Variants in ADPRS observed in about 807,000 individuals in gnomAD.
ADPRS encodes the protein ADP-ribosylhydrolase ARH3.
Under a neutral mutation model 32.1 loss-of-function variants are expected in ADPRS, and 25 were observed. The observed-to-expected ratio is 0.78, with a 90% CI of 0.57 to 1.09. The LOEUF (loss-of-function observed/expected upper bound fraction) is 1.09, where lower values mean the gene tolerates loss of function less well. ADPRS is among the 50% of genes least tolerant of loss of function. The pLI is 0.00. For synonymous variants in ADPRS, 225 were observed against 201.0 expected (o/e 1.12, Z -1.01); for missense variants, 482 against 480.6 (o/e 1.00, Z -0.03).
intron 1 of ADPRS, among the ~76,000 whole-genome samples, chr1:36,089,374 C>T (rs1015238453): frequency 2.0e-5 from 3 of 152,246 alleles, no homozygotes; most frequent in African/African-American, 7.2e-5. Flanking sequence ...TGGATAAACC[C>T]ATCGTAAGTT....
chr1:36,092,531 G>A lies in ADPRS; in HGVS notation c.802+9G>A, dbSNP rs369155774. 2 of 1,613,292 alleles carry A rather than the reference G, an allele frequency of 1.2e-6. No individual in the cohort carries two copies. The highest frequency in any genetic ancestry group is 8.5e-7 in the Non-Finnish European group (1 of 1,179,370). On this transcript the variant is annotated intron_variant, in intron 5 of 5. Coordinates refer to ENST00000373178, the MANE Select transcript of ADPRS (RefSeq NM_017825.3). The stretch of plus-strand genomic sequence containing the variant: ...AGTGGTGTCTGAGCTAGGTGAGTGG[G>A]TCTGCCTGGGATTGTCTCTCCCTCT...
Position 36,091,642 on chromosome 1 carries a change from C to A in ADPRS, c.333C>A (p.Asp111Glu). Reference protein sequence around the residue: ...AHRFAQEYKKDPDRGYGAGVV... With the variant: ...AHRFAQEYKKEPDRGYGAGVV... ...GATTTGCTCAGGAGTACAAGAAAGA[C>A]CCTGACAGGGGCTATGGTGCTGGAG... The change falls in exon 3 of 6, where the codon GAC becomes GAA. Residue 111 changes from aspartate (D) to glutamate (E), a missense_variant. Coordinates refer to ENST00000373178, the MANE Select transcript of ADPRS (RefSeq NM_017825.3). The A allele has an allele frequency of 6.2e-7, 1 of 1,606,772 alleles. No homozygotes were observed. Among genetic ancestry groups the A allele is most frequent in the Non-Finnish European group, 8.5e-7 (1 of 1,176,260 alleles).
intron 1 of ADPRS, among the ~76,000 whole-genome samples, chr1:36,089,392 C>T (rs1236002057): frequency 1.3e-5 from 2 of 152,214 alleles, no homozygotes; most frequent in Non-Finnish European, 2.9e-5. Flanking sequence ...GTTGAAAATA[C>T]CTGAAGTGGA....
intron 1 of ADPRS, among the ~76,000 whole-genome samples, 174 bp downstream of exon 1, chr1:36,089,289 G>A (rs182114712): frequency 6.6e-6 from 1 of 152,328 alleles, no homozygotes; most frequent in Admixed American, 6.5e-5. Context: ...TGCGATCTCC[G>A]GCCTTATAGA....
chr1:36,089,563 C>G (rs944070170), intron 1 of ADPRS, among the ~76,000 whole-genome samples: 1 of 152,182 alleles, frequency 6.6e-6, no homozygotes, highest in Non-Finnish European at 1.5e-5. Context: ...GACTTGACCT[C>G]TTTTTCCCGG....
chr1:36,089,637 A>G (rs1557732605), intron 1 of ADPRS, among the ~76,000 whole-genome samples: 1 of 151,706 alleles, frequency 6.6e-6, no homozygotes, highest in East Asian at 1.9e-4. Flanking sequence ...TGGAAGCCTG[A>G]CTCTAATCGC....
rs749889837 is a variant in ADPRS, at chr1:36,089,040, G to C, written c.136G>C (p.Val46Leu). Residue 46 changes from valine (V) to leucine (L), a missense_variant, in exon 1 of 6, where the codon GTC (valine) becomes CTC (leucine). By Grantham distance (32) the Val-to-Leu change is conservative (BLOSUM62 1). Coordinates refer to ENST00000373178, the MANE Select transcript of ADPRS (RefSeq NM_017825.3). The part of the protein sequence containing the change: ...VGSFYEAHDT[V>L]DLTSVLRHVQ... ...CTCCTTCTACGAGGCCCACGACACC[G>C]TCGACCTGACGTCAGTCCTGCGTCA... is the stretch of plus-strand genomic sequence containing the variant. The C allele has an allele frequency of 4.3e-5, 63 of 1,474,114 alleles. No individual in the cohort carries two copies. Among genetic ancestry groups the C allele is most frequent in the Non-Finnish European group, 5.6e-5 (62 of 1,116,998 alleles). 91.3% of individuals were successfully genotyped at this position (1,474,114 alleles called of 1,614,324 possible).
chr1:36,091,712 G>A lies in ADPRS; in HGVS notation c.403G>A (p.Val135Ile), dbSNP rs1643486415. The A allele has an allele frequency of 1.9e-6, 3 of 1,614,012 alleles. No homozygotes were observed. The highest frequency in any genetic ancestry group is 2.2e-5 in the East Asian group (1 of 44,886). Residue 135 changes from valine (V) to isoleucine (I), a missense_variant, in exon 3 of 6, where the codon GTC (valine) becomes ATC (isoleucine). Val to Ile is a conservative substitution (Grantham distance 29). Coordinates refer to ENST00000373178, the MANE Select transcript of ADPRS (RefSeq NM_017825.3). ...GCTCCTGAACCCCAAATGTCGCGAT[G>A]TCTTTGAGCCTGCCCGGGCCCAGTT... ...KKLLNPKCRD[V>I]FEPARAQFNG...
rs1643479980 is a variant in ADPRS at position 36,091,301 on chromosome 1, T to C, written c.269T>C (p.Leu90Pro). The stretch of plus-strand genomic sequence containing the variant: ...GCCAGGGCCCTGGTGCAGTCCCTGC[T>C]AGCCAAGGAGGCCTTTGACGAGGTG... ...AMARALVQSL[L>P]AKEAFDEVDM... The change falls in exon 2 of 6, where the codon CTA becomes CCA. Residue 90 changes from leucine (L) to proline (P), a missense_variant. By Grantham distance (98) the Leu-to-Pro change is moderately conservative. Coordinates refer to ENST00000373178, the MANE Select transcript of ADPRS (RefSeq NM_017825.3). The C allele has an allele frequency of 6.2e-7, 1 of 1,614,068 alleles. No individual in the cohort carries two copies. The highest frequency in any genetic ancestry group is 1.3e-5 in the African/African-American group (1 of 74,952).
chr1:36,091,103 A>G, intron 1 of ADPRS, 141 bp from the exon 2 acceptor site: 1 of 642,074 alleles, frequency 1.6e-6, no homozygotes, highest in African/African-American at 1.8e-5. Flanking sequence ...CAGGAGTTCA[A>G]GACTGCAGTG....
intron 2 of ADPRS, 52 bp from the exon 3 acceptor site, chr1:36,091,566 C>A: frequency 6.6e-7 from 1 of 1,507,574 alleles, no homozygotes; most frequent in Non-Finnish European, 9.0e-7. Flanking sequence ...TCTCTCCCAA[C>A]CCTTAGAGGC....
rs370309930 is a variant in ADPRS at position 36,092,410 on chromosome 1, C to T, written c.702-12C>T. On this transcript the variant is annotated splice_polypyrimidine_tract_variant and intron_variant, in intron 4 of 5. Transcript: ENST00000373178. ...TAGCTCTGACCTCCCTGAAATCTCC[C>T]CTAAACCACAGGTTGGGCATGGAGG... is the stretch of plus-strand genomic sequence containing the variant. The T allele has an allele frequency of 1.2e-6, 2 of 1,613,792 alleles. No individual in the cohort carries two copies. The highest frequency in any genetic ancestry group is 1.7e-6 in the Non-Finnish European group (2 of 1,179,716).
chr1:36,090,287 C>T (rs1219846526), intron 1 of ADPRS, among the ~76,000 whole-genome samples: 1 of 152,022 alleles, frequency 6.6e-6, no homozygotes, highest in African/African-American at 2.4e-5. Flanking sequence ...TGGCAAGATC[C>T]TGTCTATAAA....
intron 1 of ADPRS, among the ~76,000 whole-genome samples, chr1:36,089,442 C>T (rs553471423): frequency 2.6e-5 from 4 of 152,352 alleles, no homozygotes; most frequent in East Asian, 3.9e-4. Flanking sequence ...TATCTGGACG[C>T]AGCCCCATCG....
Position 36,093,499 on chromosome 1 carries a change from C to T in ADPRS, c.*113C>T. ...TTCCCACTTTTCCTGCATTGTGGAG[C>T]TGACTGAGTACACCGGTGAGGCTGG... On this transcript the variant is annotated 3_prime_UTR_variant, in exon 6 of 6. Coordinates refer to ENST00000373178, the MANE Select transcript of ADPRS (RefSeq NM_017825.3). The T allele has an allele frequency of 1.4e-6, 2 of 1,388,676 alleles. No individual in the cohort carries two copies. Among genetic ancestry groups the T allele is most frequent in the Non-Finnish European group, 2.0e-6 (2 of 1,023,118 alleles). 86.0% of individuals were successfully genotyped at this position (1,388,676 alleles called of 1,614,324 possible).
Position 36,093,259 on chromosome 1 carries a change from C to T in ADPRS, c.965C>T (p.Ala322Val). ...GGDTDTIATM[A>V]GAIAGAYYGM... ...GACACAGACACCATTGCCACCATGGCTGGGGCCATTGCTGGTGCCTACTAT... is the reference window on the plus strand; with the variant it reads ...GACACAGACACCATTGCCACCATGGTTGGGGCCATTGCTGGTGCCTACTAT... The change falls in exon 6 of 6, where the codon GCT (alanine) becomes GTT (valine). Residue 322 changes from alanine (A) to valine (V), a missense_variant. Ala to Val is a moderately conservative substitution (Grantham distance 64). Coordinates refer to ENST00000373178, the MANE Select transcript of ADPRS (RefSeq NM_017825.3). The T allele has an allele frequency of 6.2e-7, 1 of 1,614,250 alleles. No individual in the cohort carries two copies.
intron 1 of ADPRS, 85 bp from the exon 2 acceptor site, chr1:36,091,159 A>G: frequency 9.2e-7 from 1 of 1,084,348 alleles, no homozygotes; most frequent in East Asian, 2.6e-5. Context: ...ACAGAGCGAG[A>G]CTCTGTCTCC....
intron 4 of ADPRS, 109 bp from the exon 5 acceptor site, chr1:36,092,313 G>A (rs114592640): frequency 0.014 from 17,732 of 1,246,160 alleles, 176 homozygotes; most frequent in Non-Finnish European, 0.017. Context: ...ACCTGTGCCT[G>A]GCTGCCAGCC....
At chr1:36,091,375 G>T in intron 2 of ADPRS, 35 bp downstream of exon 2, 2 of 1,598,816 alleles carry the variant, frequency 1.3e-6, no homozygotes, top group Non-Finnish European at 1.7e-6. Flanking sequence ...GGCAAACCAG[G>T]TGGGAAAGTT....
Sources: allele counts gnomAD v4.1 joint callset (sites outside exome capture counted in the v4.1 genomes callset), GRCh38; gene constraint gnomAD v4.1.1; transcripts MANE v1.5; gene names NCBI Gene and HGNC (gene_info 2026-07-23, HGNC 2026-07-21).